PDE1C: variants seen among roughly 807,000 people sequenced by gnomAD.
PDE1C encodes the protein phosphodiesterase 1C.
PDE1C carries 62 observed loss-of-function variants against 93.1 expected under a neutral mutation model. The ratio of observed to expected loss-of-function variants is 0.67; its 90% confidence interval spans 0.54 to 0.82. The LOEUF (loss-of-function observed/expected upper bound fraction) is 0.82, where lower values mean the gene tolerates loss of function less well. Ranked by LOEUF, PDE1C falls within the 40% of genes least tolerant of loss-of-function variation. The pLI is 0.00. For synonymous variants in PDE1C, 325 were observed against 310.1 expected (o/e 1.05, Z -0.50); for missense variants, 742 against 884.6 (o/e 0.84, Z 2.04).
chr7:32,135,018 G>A (rs1477151680), intron 3 of PDE1C, among the ~76,000 whole-genome samples: 1 of 152,120 alleles, frequency 6.6e-6, no homozygotes, highest in Non-Finnish European at 1.5e-5. Context: ...TGACAGCATG[G>A]GAATTGGTAG....
chr7:32,301,864 C>T (rs371651534), upstream of PDE1C, among the ~76,000 whole-genome samples: 4 of 152,122 alleles, frequency 2.6e-5, no homozygotes, highest in South Asian at 4.1e-4. Flanking sequence ...TGAAATCTGG[C>T]CCATCACCTG....
the PDE1C span, among the ~76,000 whole-genome samples, chr7:31,696,252 G>A: frequency 1.3e-5 from 2 of 152,072 alleles, no homozygotes; most frequent in African/African-American, 4.8e-5. Flanking sequence ...CTAATTTACT[G>A]TCATCTCTGT....
chr7:31,908,615 A>G (rs1800873484), intron 2 of PDE1C, among the ~76,000 whole-genome samples: 1 of 152,186 alleles, frequency 6.6e-6, no homozygotes, highest in East Asian at 1.9e-4. Context: ...AGTCCACAAA[A>G]CACAGATATG....
At chr7:31,937,803 T>A (rs1354146404) in intron 2 of PDE1C, among the ~76,000 whole-genome samples, 2 of 152,160 alleles carry the variant, frequency 1.3e-5, no homozygotes, top group Non-Finnish European at 2.9e-5. Context: ...GAAACTCACA[T>A]TTTATTCAGC....
chr7:31,676,401 A>G, the PDE1C span, among the ~76,000 whole-genome samples: 3 of 152,182 alleles, frequency 2.0e-5, no homozygotes, highest in Admixed American at 1.3e-4. Flanking sequence ...ATTAGCAATG[A>G]ATTAAAAATA....
chr7:32,304,442 A>T (rs2128902817), intron 1 of PDE1C, among the ~76,000 whole-genome samples: 1 of 152,320 alleles, frequency 6.6e-6, no homozygotes, highest in East Asian at 1.9e-4. Context: ...GGGGTAGGAC[A>T]GCCAGCCCCA....
intron 1 of PDE1C, among the ~76,000 whole-genome samples, chr7:32,291,817 G>T (rs59632690): frequency 7.9e-5 from 12 of 152,122 alleles, no homozygotes; most frequent in African/African-American, 9.7e-5. Context: ...CACCTCTTCC[G>T]GGAGGGGCAG....
intron 11 of PDE1C, among the ~76,000 whole-genome samples, chr7:31,828,714 T>C (rs912185814): frequency 1.3e-5 from 2 of 152,134 alleles, no homozygotes; most frequent in Non-Finnish European, 2.9e-5. Flanking sequence ...TTTTCTCAAG[T>C]CATCCTGGGT....
chr7:32,269,394 G>T (rs986804586), intron 1 of PDE1C, among the ~76,000 whole-genome samples: 4 of 152,186 alleles, frequency 2.6e-5, no homozygotes, highest in Non-Finnish European at 5.9e-5. Flanking sequence ...TAAAAATGAT[G>T]ATGTGAATCT....
the PDE1C span, among the ~76,000 whole-genome samples, chr7:31,712,030 C>G: frequency 1.5e-3 from 229 of 152,338 alleles, no homozygotes; most frequent in African/African-American, 5.1e-3. Context: ...GCCACTTTCT[C>G]GAGGAGAAAC....
intron 1 of PDE1C, among the ~76,000 whole-genome samples, chr7:32,209,974 A>C (rs1296335057): frequency 6.6e-6 from 1 of 152,208 alleles, no homozygotes; most frequent in Non-Finnish European, 1.5e-5. Flanking sequence ...ATAGGGGCAA[A>C]GCTGAGGCAG....
chr7:31,899,293 C>G (rs1799688476), intron 2 of PDE1C, among the ~76,000 whole-genome samples: 1 of 152,042 alleles, frequency 6.6e-6, no homozygotes, highest in South Asian at 2.1e-4. Context: ...TGCCTGCCAC[C>G]ACGCCTGGCT....
intron 11 of PDE1C, among the ~76,000 whole-genome samples, chr7:31,833,303 G>T (rs938218054): frequency 6.6e-6 from 1 of 152,106 alleles, no homozygotes; most frequent in African/African-American, 2.4e-5. Context: ...ACCCAGTCTT[G>T]GGTATTCTTT....
At chr7:31,840,929 C>T (rs1791780825) in intron 9 of PDE1C, among the ~76,000 whole-genome samples, 1 of 152,002 alleles carries the variant, frequency 6.6e-6, no homozygotes, top group African/African-American at 2.4e-5. Flanking sequence ...CAATTTCCAA[C>T]ATAATTCTGC....
At chr7:32,163,835 G>A (rs2190998) in intron 3 of PDE1C, among the ~76,000 whole-genome samples, 31,387 of 152,056 alleles carry the variant, frequency 0.21, 3,901 homozygotes, top group Admixed American at 0.33. Flanking sequence ...GCATAATCCA[G>A]TCACAAAAGA....
At chr7:32,295,921 A>G (rs1812590437) in intron 1 of PDE1C, among the ~76,000 whole-genome samples, 1 of 148,516 alleles carries the variant, frequency 6.7e-6, no homozygotes, top group Admixed American at 6.7e-5. Context: ...AAAAAAATGT[A>G]CTTATGATAT....
At chr7:32,267,990 G>A (rs1810726290) in intron 1 of PDE1C, among the ~76,000 whole-genome samples, 1 of 152,194 alleles carries the variant, frequency 6.6e-6, no homozygotes, top group Non-Finnish European at 1.5e-5. Context: ...GTGATCTTTG[G>A]TGAAGGAAAA....
At chr7:31,644,906 T>G in the PDE1C span, among the ~76,000 whole-genome samples, 37 of 152,358 alleles carry the variant, frequency 2.4e-4, no homozygotes, top group African/African-American at 8.4e-4. Context: ...TAGTGCCTAC[T>G]GAGTTACCTT....
chr7:32,328,872 C>G (rs1193846948), intron 1 of PDE1C, among the ~76,000 whole-genome samples: 1 of 152,204 alleles, frequency 6.6e-6, no homozygotes, highest in Non-Finnish European at 1.5e-5. Flanking sequence ...CCTTCTTGGT[C>G]ACTACTGCAT....
Sources: gnomAD v4.1 joint callset for allele counts (sites outside exome capture counted in the v4.1 genomes callset) on GRCh38, gnomAD v4.1.1 for gene constraint, MANE v1.5 for transcripts, NCBI Gene and HGNC (gene_info 2026-07-23, HGNC 2026-07-21) for gene names.